BICD1: variants seen among roughly 807,000 people sequenced by gnomAD.
The protein encoded by BICD1 is BICD cargo adaptor 1.
BICD1 carries 35 observed loss-of-function variants against 92.5 expected under a neutral mutation model. That is an observed-to-expected ratio of 0.38 (90% CI 0.29 to 0.50). The LOEUF (loss-of-function observed/expected upper bound fraction) is 0.50, where lower values mean the gene tolerates loss of function less well. Among genes scored for constraint, BICD1 ranks in the 20% least tolerant of loss-of-function variants. BICD1 has a pLI of 0.93. For synonymous variants in BICD1, 429 were observed against 465.1 expected (o/e 0.92, Z 1.00); for missense variants, 950 against 1,189.8 (o/e 0.80, Z 2.97).
intron 1 of BICD1, among the ~76,000 whole-genome samples, chr12:32,182,806 A>T (rs561249592): frequency 6.6e-6 from 1 of 151,238 alleles, no homozygotes; most frequent in Non-Finnish European, 1.5e-5. Flanking sequence ...ACAATTTATC[A>T]TGAAATTTAG....
chr12:32,210,898 A>G (rs571297849), intron 1 of BICD1, among the ~76,000 whole-genome samples: 2 of 152,236 alleles, frequency 1.3e-5, no homozygotes, highest in South Asian at 4.2e-4. Context: ...TTTCCTTTCT[A>G]TTGGGCCTGG....
At chr12:32,156,918 AATTGTTTTTCATATATATATGTATAAC>A (rs756292671) in intron 1 of BICD1, among the ~76,000 whole-genome samples, 8 of 152,322 alleles carry the variant, frequency 5.3e-5, no homozygotes, top group Non-Finnish European at 8.8e-5. Flanking sequence ...AATTCTGTAA[AATTGTTTTTCATATATATATGTATAAC>A]ACACATACAT....
At position 32,192,453 on chromosome 12, in the gene BICD1, A is replaced by G. The variant is rs61926931; in HGVS notation, c.214-23794A>G. Among the ~76,000 whole-genome samples, 300 of 149,176 alleles carry G rather than the reference A, an allele frequency of 2.0e-3. 1 individual carries two copies. Among genetic ancestry groups the G allele is most frequent in the Admixed American group, 4.1e-3 (61 of 14,906 alleles). Reference sequence around the variant, plus strand: ...TGTTAAATAAATAAATAAATAAATAAATAGATAGATAGATAGATAGATAGA... The same window carrying G: ...TGTTAAATAAATAAATAAATAAATAGATAGATAGATAGATAGATAGATAGA... On this transcript the variant is annotated intron_variant, in intron 1 of 9. Transcript: ENST00000652176.
intron 6 of BICD1, 53 bp downstream of exon 6, chr12:32,334,720 A>C (rs1208566556): frequency 6.4e-7 from 1 of 1,557,850 alleles, no homozygotes; most frequent in East Asian, 2.3e-5. Context: ...TAAAGGCTTT[A>C]AAATTCACAG....
chr12:32,350,979 T>C (rs940414733), intron 8 of BICD1, among the ~76,000 whole-genome samples: 1 of 152,154 alleles, frequency 6.6e-6, no homozygotes, highest in Non-Finnish European at 1.5e-5. Flanking sequence ...CTTTAGTCAT[T>C]ACTGGATCCC....
chr12:32,354,943 G>C (rs147308724), intron 8 of BICD1, among the ~76,000 whole-genome samples: 2,092 of 152,044 alleles, frequency 0.014, 47 homozygotes, highest in African/African-American at 0.048. Context: ...GAATTCATAG[G>C]ACTGTTTAAA....
chr12:32,128,683 C>T (rs1185982675), intron 1 of BICD1, among the ~76,000 whole-genome samples: 2 of 151,932 alleles, frequency 1.3e-5, no homozygotes, highest in Non-Finnish European at 2.9e-5. Context: ...TTTATATTTT[C>T]AAGCCAAAAT....
At chr12:32,192,744 A>T (rs1414579721) in intron 1 of BICD1, among the ~76,000 whole-genome samples, 2 of 152,236 alleles carry the variant, frequency 1.3e-5, no homozygotes, top group African/African-American at 4.8e-5. Flanking sequence ...GGCCGCAGCA[A>T]GTCATCCAGA....
chr12:32,357,713 C>A (rs933537044), intron 8 of BICD1, among the ~76,000 whole-genome samples: 2 of 152,196 alleles, frequency 1.3e-5, no homozygotes, highest in African/African-American at 4.8e-5. Flanking sequence ...ACTGTCCTCG[C>A]ATCTCTGTGC....
chr12:32,278,864 AAAATAAATAAATAAAT>A (rs59177126), intron 2 of BICD1, among the ~76,000 whole-genome samples: 177 of 150,446 alleles, frequency 1.2e-3, no homozygotes, highest in Admixed American at 2.8e-3. Flanking sequence ...TCAAAGAAAT[AAAATAAATAAATAAAT>A]AAATAAATAA....
At chr12:32,264,485 A>T (rs888008217) in intron 2 of BICD1, among the ~76,000 whole-genome samples, 2 of 152,176 alleles carry the variant, frequency 1.3e-5, no homozygotes, top group Non-Finnish European at 2.9e-5. Context: ...GTTTTTAGAA[A>T]TTAAATAGAA....
intron 4 of BICD1, among the ~76,000 whole-genome samples, chr12:32,326,517 T>C (rs1948780781): frequency 6.6e-6 from 1 of 152,246 alleles, no homozygotes; most frequent in Non-Finnish European, 1.5e-5. Flanking sequence ...TATTTTGGAC[T>C]GAAGGAATTG....
intron 4 of BICD1, among the ~76,000 whole-genome samples, chr12:32,324,303 G>A (rs113747351): frequency 0.088 from 12,611 of 143,444 alleles, 592 homozygotes; most frequent in Middle Eastern, 0.15. Flanking sequence ...TGCAGTGAGC[G>A]TAAATCACAC....
At chr12:32,367,034 G>C (rs1356634024) in intron 8 of BICD1, among the ~76,000 whole-genome samples, 1 of 152,124 alleles carries the variant, frequency 6.6e-6, no homozygotes, top group Non-Finnish European at 1.5e-5. Context: ...TCTCATTCAG[G>C]TTAGCTTTCT....
At chr12:32,203,359 C>G (rs1164359287) in intron 1 of BICD1, among the ~76,000 whole-genome samples, 1 of 152,166 alleles carries the variant, frequency 6.6e-6, no homozygotes, top group Non-Finnish European at 1.5e-5. Flanking sequence ...AAGGAAATTA[C>G]TTCATCAAAA....
intron 1 of BICD1, among the ~76,000 whole-genome samples, chr12:32,184,308 G>A (rs1944366345): frequency 6.6e-6 from 1 of 152,118 alleles, no homozygotes; most frequent in Non-Finnish European, 1.5e-5. Flanking sequence ...TCTTTTTTGA[G>A]ATGGAATCTT....
At chr12:32,137,471 T>G (rs1942772838) in intron 1 of BICD1, among the ~76,000 whole-genome samples, 1 of 152,176 alleles carries the variant, frequency 6.6e-6, no homozygotes, top group South Asian at 2.1e-4. Flanking sequence ...TAGCAATTTA[T>G]TACTCAGATA....
chr12:32,308,366 G>A (rs1013677301), intron 4 of BICD1, among the ~76,000 whole-genome samples: 1 of 152,162 alleles, frequency 6.6e-6, no homozygotes, highest in African/African-American at 2.4e-5. Context: ...GCCACTAGTT[G>A]ACAGTCATTC....
chr12:32,163,420 A>G (rs931278994), intron 1 of BICD1, among the ~76,000 whole-genome samples: 2 of 152,186 alleles, frequency 1.3e-5, no homozygotes, highest in Admixed American at 1.3e-4. Context: ...ACAAGTGTAT[A>G]GAGAATAACA....
Sources: allele counts gnomAD v4.1 joint callset (sites outside exome capture counted in the v4.1 genomes callset), GRCh38; gene constraint gnomAD v4.1.1; transcripts MANE v1.5; gene names NCBI Gene and HGNC (gene_info 2026-07-23, HGNC 2026-07-21).